The following ASB7 variants were observed in gnomAD, a reference collection of about 807,000 sequenced individuals.
ASB7 encodes the protein ankyrin repeat and SOCS box protein 7.
In ASB7, 4 loss-of-function variants were observed where a neutral mutation model predicts 32.5. That is an observed-to-expected ratio of 0.12 (90% confidence interval 0.06 to 0.28). ASB7 has a LOEUF of 0.28. Ranked by LOEUF, ASB7 falls within the 10% of genes least tolerant of loss-of-function variation. The probability of loss-of-function intolerance (pLI) is 1.00; values close to 1 mark genes in which losing one functional copy is unlikely to be tolerated. For missense variants in ASB7, 181 were observed against 407.1 expected (o/e 0.44, Z 4.78); for synonymous variants, 172 against 155.6 (o/e 1.11, Z -0.78).
intron 5 of ASB7, chr15:100,638,344 T>G (rs2039938791): frequency 6.6e-6 from 1 of 152,210 alleles, no homozygotes; most frequent in Non-Finnish European, 1.5e-5. Context: ...TTTCCTGAAG[T>G]TTGTTTATAA....
At chr15:100,610,859 G>T (rs1220409785) in intron 3 of ASB7, among the ~76,000 whole-genome samples, 1 of 152,198 alleles carries the variant, frequency 6.6e-6, no homozygotes, top group African/African-American at 2.4e-5. Context: ...GTTAAGAGAT[G>T]AGTCTAATCT....
chr15:100,605,068 G>A (rs1017595457), intron 2 of ASB7, among the ~76,000 whole-genome samples: 1 of 152,190 alleles, frequency 6.6e-6, no homozygotes, highest in African/African-American at 2.4e-5. Flanking sequence ...GAGAGGATAA[G>A]TCTTTACTCT....
chr15:100,642,762 C>T (rs966821507), intron 5 of ASB7, among the ~76,000 whole-genome samples: 2 of 152,376 alleles, frequency 1.3e-5, no homozygotes, highest in East Asian at 1.9e-4. Context: ...TGCGGCCGGG[C>T]GCGGTGGCTC....
At chr15:100,647,424 G>A (rs2040004034) in intron 5 of ASB7, among the ~76,000 whole-genome samples, 1 of 152,108 alleles carries the variant, frequency 6.6e-6, no homozygotes, top group Admixed American at 6.6e-5. Flanking sequence ...ATATATATTA[G>A]CTTTATTATC....
intron 5 of ASB7, among the ~76,000 whole-genome samples, chr15:100,634,374 C>G (rs566591325): frequency 7.9e-5 from 12 of 152,294 alleles, no homozygotes; most frequent in African/African-American, 2.9e-4. Flanking sequence ...CAATTTTGTT[C>G]AAAGAGAAGT....
In ASB7 at chr15:100,650,008, G is replaced by C. The variant is rs565437805; in HGVS notation, c.*1546G>C. 1 of 152,346 alleles carries C rather than the reference G, an allele frequency of 6.6e-6. No homozygotes were observed. Among genetic ancestry groups the C allele is most frequent in the East Asian group, 1.9e-4 (1 of 5,194 alleles). The allele number at this position is 152,346 out of a possible 1,614,324, so 9.4% of individuals were successfully genotyped here. ...GTTTTCTCTGGCTTCACCTTTTTCA[G>C]AGCCAGCAGTGCTGTTTTCTCAAGC... is the stretch of plus-strand genomic sequence containing the variant. On this transcript the variant is annotated 3_prime_UTR_variant, in exon 6 of 6. Transcript: ENST00000332783.
rs2039955759 is a variant in ASB7, at chr15:100,640,795, A to T, written c.818-7528A>T. 2.6e-5 allele frequency among the ~76,000 whole-genome samples: 4 copies of T among 152,250 alleles called. No individual in the cohort carries two copies. The South Asian group carries it at 8.3e-4, about 32-fold the overall frequency. ...ACAGGGAGGTGATTTAGGATATTTA[A>T]TTTTCTAAATTATGCCGCTGGCCCT... On this transcript the variant is annotated intron_variant, in intron 5 of 5. Transcript: ENST00000332783.
chr15:100,630,939 A>G (rs1271768752), intron 5 of ASB7, among the ~76,000 whole-genome samples: 1 of 152,180 alleles, frequency 6.6e-6, no homozygotes, highest in African/African-American at 2.4e-5. Flanking sequence ...TCATTATTAT[A>G]CAAGAGGACA....
At chr15:100,618,017 C>T (rs2039758973) in intron 4 of ASB7, among the ~76,000 whole-genome samples, 1 of 152,214 alleles carries the variant, frequency 6.6e-6, no homozygotes, top group Non-Finnish European at 1.5e-5. Flanking sequence ...TGCAGTGGCA[C>T]AGTCATAGCT....
intron 5 of ASB7, chr15:100,645,869 C>A: frequency 1.1e-6 from 1 of 890,234 alleles, no homozygotes; most frequent in Non-Finnish European, 1.8e-6. Context: ...CTGCAGATTT[C>A]TTCAGCATCT....
Position 100,651,473 on chromosome 15 carries a change from A to G in ASB7, c.*3011A>G, listed in dbSNP as rs753227762. On this transcript the variant is annotated 3_prime_UTR_variant, in exon 6 of 6. Coordinates refer to ENST00000332783, the MANE Select transcript of ASB7 (RefSeq NM_198243.3). ...TCGTCAGATGCACACCCCAAGAGAC[A>G]AGAATGTGTAGTTTAATGACCGGCG... 1 of 152,200 alleles carries G rather than the reference A, an allele frequency of 6.6e-6. No individual in the cohort carries two copies. Among genetic ancestry groups the G allele is most frequent in the African/African-American group, 2.4e-5 (1 of 41,456 alleles). 9.4% of individuals were successfully genotyped at this position (152,200 alleles called of 1,614,324 possible).
In ASB7 at chr15:100,602,673, G is replaced by A. The variant is rs938427460; in HGVS notation, c.-646G>A. ...AAAGCCCCCTGTCCGGAGACCCCAC[G>A]GCTGGCACTTCGGGCCCCGTATGAC... On this transcript the variant is annotated 5_prime_UTR_variant, in exon 1 of 6. Coordinates refer to ENST00000332783, the MANE Select transcript of ASB7 (RefSeq NM_198243.3). 1.3e-5 allele frequency: 4 copies of A among 297,296 alleles called. No individual in the cohort carries two copies. Among genetic ancestry groups the A allele is most frequent in the African/African-American group, 8.7e-5 (4 of 45,814 alleles). The allele number at this position is 297,296 out of a possible 1,614,324, so 18.4% of individuals were successfully genotyped here. A position where few individuals can be genotyped will look rare whatever the true frequency, so the allele number is the denominator to read the frequency against.
At chr15:100,631,957 C>T (rs2039886406) in intron 5 of ASB7, among the ~76,000 whole-genome samples, 1 of 152,216 alleles carries the variant, frequency 6.6e-6, no homozygotes, top group Non-Finnish European at 1.5e-5. Context: ...CCAGTTTCAA[C>T]CCTGTATACA....
Position 100,648,590 on chromosome 15 carries a change from G to T in ASB7, c.*128G>T. On this transcript the variant is annotated 3_prime_UTR_variant, in exon 6 of 6. Transcript: ENST00000332783. ...AATCAGAAAGCAGGTATACACTTTT[G>T]GGTTTTCTGTTTGTTTGGTTGGTTT... The T allele has an allele frequency of 1.3e-6, 1 of 794,618 alleles. No individual in the cohort carries two copies. The highest frequency in any genetic ancestry group is 2.9e-5 in the South Asian group (1 of 33,914). 49.2% of individuals were successfully genotyped at this position (794,618 alleles called of 1,614,324 possible).
intron 5 of ASB7, among the ~76,000 whole-genome samples, chr15:100,639,444 T>G (rs1302864305): frequency 1.3e-5 from 2 of 152,222 alleles, no homozygotes; most frequent in Non-Finnish European, 2.9e-5. Context: ...CTCCTTTTTT[T>G]TTAATTTTAA....
intron 4 of ASB7, among the ~76,000 whole-genome samples, chr15:100,622,320 A>G (rs756392622): frequency 6.6e-6 from 1 of 152,204 alleles, no homozygotes; most frequent in Non-Finnish European, 1.5e-5. Context: ...ACACAAACAA[A>G]TGGAAAGACA....
intron 2 of ASB7, among the ~76,000 whole-genome samples, chr15:100,604,887 T>G (rs2039628771): frequency 6.6e-6 from 1 of 152,232 alleles, no homozygotes; most frequent in South Asian, 2.1e-4. Context: ...CTAAAATATT[T>G]GAAGTATGTT....
At chr15:100,608,782 T>A (rs28674692) in intron 2 of ASB7, among the ~76,000 whole-genome samples, 101,363 of 152,084 alleles carry the variant, frequency 0.67, 34,322 homozygotes, top group South Asian at 0.75. Flanking sequence ...AAGAGGTTTG[T>A]CAAGGAAAAG....
intron 2 of ASB7, among the ~76,000 whole-genome samples, chr15:100,608,251 A>G (rs189038047): frequency 4.7e-4 from 72 of 152,326 alleles, no homozygotes; most frequent in Admixed American, 1.7e-3. Flanking sequence ...TTACAGAACA[A>G]TTACTGAGGC....
Sources: allele counts gnomAD v4.1 joint callset (sites outside exome capture counted in the v4.1 genomes callset), GRCh38; gene constraint gnomAD v4.1.1; transcripts MANE v1.5; gene names NCBI Gene and HGNC (gene_info 2026-07-23, HGNC 2026-07-21).